The following SLC24A3 variants were observed in gnomAD, a reference collection of about 807,000 sequenced individuals.
SLC24A3 encodes solute carrier family 24 member 3.
SLC24A3 carries 28 observed loss-of-function variants against 75.8 expected under a neutral mutation model. The ratio of observed to expected loss-of-function variants is 0.37; its 90% CI spans 0.27 to 0.51. The LOEUF (loss-of-function observed/expected upper bound fraction) is 0.51. SLC24A3 is among the 20% of genes least tolerant of loss of function. The pLI is 0.94. For synonymous variants in SLC24A3, 372 were observed against 334.1 expected (o/e 1.11, Z -1.24); for missense variants, 663 against 847.8 (o/e 0.78, Z 2.71).
chr20:19,666,903 G>A (rs925547855), intron 8 of SLC24A3, among the ~76,000 whole-genome samples: 2 of 152,194 alleles, frequency 1.3e-5, no homozygotes, highest in African/African-American at 4.8e-5. Context: ...AATGGAAATG[G>A]AAATCGAGTG....
chr20:19,345,014 C>T (rs1488813962), intron 2 of SLC24A3, among the ~76,000 whole-genome samples: 1 of 152,140 alleles, frequency 6.6e-6, no homozygotes, highest in Non-Finnish European at 1.5e-5. Context: ...AAAGAAAAGA[C>T]ACACTGATTT....
intron 2 of SLC24A3, among the ~76,000 whole-genome samples, chr20:19,383,391 T>TC (rs1986218037): frequency 6.6e-6 from 1 of 152,130 alleles, no homozygotes; most frequent in African/African-American, 2.4e-5. Flanking sequence ...GTTTTTTTTT[T>TC]CCCACTACCC....
At chr20:19,256,422 A>C (rs1982816327) in intron 1 of SLC24A3, among the ~76,000 whole-genome samples, 1 of 152,166 alleles carries the variant, frequency 6.6e-6, no homozygotes, top group South Asian at 2.1e-4. Context: ...ATGGTTACAC[A>C]ACTCTGTAAA....
chr20:19,518,494 C>A (rs532574700), intron 3 of SLC24A3, among the ~76,000 whole-genome samples: 1 of 152,322 alleles, frequency 6.6e-6, no homozygotes, highest in Non-Finnish European at 1.5e-5. Context: ...TTGAAGAGTG[C>A]AGGCAGATTC....
chr20:19,279,338 C>T (rs944512210), intron 1 of SLC24A3, among the ~76,000 whole-genome samples: 2 of 152,204 alleles, frequency 1.3e-5, no homozygotes, highest in South Asian at 4.1e-4. Flanking sequence ...GGCAGCATTG[C>T]CTCAGGTCCC....
chr20:19,368,800 A>G (rs1226108202), intron 2 of SLC24A3, among the ~76,000 whole-genome samples: 1 of 152,216 alleles, frequency 6.6e-6, no homozygotes, highest in African/African-American at 2.4e-5. Context: ...CATCCGGGAG[A>G]ATTTTCCAGT....
intron 6 of SLC24A3, among the ~76,000 whole-genome samples, chr20:19,614,438 C>T (rs6136794): frequency 0.48 from 73,397 of 152,140 alleles, 20,040 homozygotes; most frequent in South Asian, 0.6. Context: ...GGGCCCCAGC[C>T]CATCCTCTCC....
intron 15 of SLC24A3, among the ~76,000 whole-genome samples, chr20:19,708,565 A>G (rs963418717): frequency 6.6e-6 from 1 of 152,204 alleles, no homozygotes; most frequent in African/African-American, 2.4e-5. Flanking sequence ...AGAAGCTATC[A>G]TGTGCAGCTC....
At chr20:19,588,775 A>T (rs1195077025) in intron 6 of SLC24A3, among the ~76,000 whole-genome samples, 1 of 152,252 alleles carries the variant, frequency 6.6e-6, no homozygotes, top group East Asian at 1.9e-4. Context: ...TTGTAAAACA[A>T]TGTACTTGTG....
intron 4 of SLC24A3, among the ~76,000 whole-genome samples, chr20:19,581,923 C>A (rs1210911219): frequency 6.6e-6 from 1 of 152,202 alleles, no homozygotes. Context: ...ACCACATTTT[C>A]CTGGGCTCTC....
rs1450381301 is a variant in SLC24A3, at chr20:19,220,947, C to T, written c.142+7963C>T. Among the ~76,000 whole-genome samples the T allele has an allele frequency of 3.9e-5, 6 of 152,196 alleles. No homozygotes were observed. In the East Asian group the frequency reaches 9.6e-4, roughly 24 times the overall value. ...CATTTTGCTGTTCGTCATTGAGGTACGAAATACACTGTACTTAAATTTCCT... is the reference window on the plus strand; with the variant it reads ...CATTTTGCTGTTCGTCATTGAGGTATGAAATACACTGTACTTAAATTTCCT... On this transcript the variant is annotated intron_variant, in intron 1 of 16. Transcript: ENST00000328041.
At chr20:19,503,953 T>A (rs1248552368) in intron 2 of SLC24A3, among the ~76,000 whole-genome samples, 2 of 151,860 alleles carry the variant, frequency 1.3e-5, no homozygotes, top group Non-Finnish European at 2.9e-5. Context: ...GACCAAGGAG[T>A]GCCAGTTATT....
chr20:19,300,826 G>A (rs1276291195), intron 2 of SLC24A3, among the ~76,000 whole-genome samples: 5 of 152,000 alleles, frequency 3.3e-5, no homozygotes, highest in African/African-American at 7.2e-5. Context: ...CAGCTGTTTC[G>A]CCCTCAACAG....
chr20:19,408,341 A>G (rs1351749514), intron 2 of SLC24A3, among the ~76,000 whole-genome samples: 2 of 152,016 alleles, frequency 1.3e-5, no homozygotes, highest in African/African-American at 4.8e-5. Flanking sequence ...AACCCGTATA[A>G]TAATTTTCCC....
chr20:19,608,619 A>T (rs1181203409), intron 6 of SLC24A3, among the ~76,000 whole-genome samples: 1 of 152,210 alleles, frequency 6.6e-6, no homozygotes, highest in African/African-American at 2.4e-5. Context: ...CCGTGTCACA[A>T]TAAGGCTTTT....
At chr20:19,552,880 A>C (rs2030719192) in intron 3 of SLC24A3, among the ~76,000 whole-genome samples, 1 of 152,018 alleles carries the variant, frequency 6.6e-6, no homozygotes, top group Admixed American at 6.5e-5. Context: ...TTGCTTCATC[A>C]GAGGAAAGGG....
chr20:19,243,286 G>A (rs1444172303), intron 1 of SLC24A3, among the ~76,000 whole-genome samples: 1 of 152,204 alleles, frequency 6.6e-6, no homozygotes. Context: ...GAATAAAATA[G>A]CTCAAACAAC....
At chr20:19,634,828 AGG>A (rs1192232705) in intron 6 of SLC24A3, among the ~76,000 whole-genome samples, 1 of 152,180 alleles carries the variant, frequency 6.6e-6, no homozygotes, top group East Asian at 1.9e-4. Flanking sequence ...TGATGGTTGC[AGG>A]GGTATACAAC....
At chr20:19,315,847 G>C (rs1984573214) in intron 2 of SLC24A3, among the ~76,000 whole-genome samples, 1 of 152,192 alleles carries the variant, frequency 6.6e-6, no homozygotes, top group Non-Finnish European at 1.5e-5. Context: ...GTCCACAACT[G>C]AAAATATCAT....
Sources: allele counts gnomAD v4.1 joint callset (sites outside exome capture counted in the v4.1 genomes callset), GRCh38; gene constraint gnomAD v4.1.1; transcripts MANE v1.5; gene names NCBI Gene and HGNC (gene_info 2026-07-23, HGNC 2026-07-21).